GPR39: variants seen among roughly 807,000 people sequenced by gnomAD.
GPR39 encodes the protein G protein-coupled receptor 39.
In GPR39, 23 loss-of-function variants were observed where a neutral mutation model predicts 18.4. The ratio of observed to expected loss-of-function variants is 1.25; its 90% CI spans 0.90 to 1.77. GPR39 has a LOEUF of 1.77. Among genes scored for constraint, GPR39 ranks in the 40% most tolerant of loss-of-function variants. The pLI is 0.00. For synonymous variants in GPR39, 280 were observed against 257.9 expected (o/e 1.09, Z -0.82); for missense variants, 647 against 602.4 (o/e 1.07, Z -0.78).
At chr2:132,554,952 CA>C (rs1173327185) in intron 1 of GPR39, among the ~76,000 whole-genome samples, 1 of 113,290 alleles carries the variant, frequency 8.8e-6, no homozygotes, top group Non-Finnish European at 1.8e-5. Flanking sequence ...CACTTTCAAC[CA>C]TTTTTTTTTT....
chr2:132,603,263 G>C (rs1394322438), intron 1 of GPR39, among the ~76,000 whole-genome samples: 10 of 152,182 alleles, frequency 6.6e-5, no homozygotes, highest in Admixed American at 1.3e-4. Context: ...GAAGTTAAGT[G>C]AAATATCGGG....
intron 1 of GPR39, among the ~76,000 whole-genome samples, chr2:132,498,576 C>T (rs1375263516): frequency 6.6e-6 from 1 of 152,124 alleles, no homozygotes; most frequent in African/African-American, 2.4e-5. Flanking sequence ...TTCTTTTCCT[C>T]TGGGGAGATA....
intron 1 of GPR39, among the ~76,000 whole-genome samples, chr2:132,511,872 C>G (rs10203298): frequency 0.47 from 62,860 of 134,852 alleles, 14,259 homozygotes; most frequent in Non-Finnish European, 0.55. Flanking sequence ...AAAGTGATGA[C>G]TCAAGTCCAG....
Position 132,646,203 on chromosome 2 carries a change from G to A in GPR39, c.*597G>A. Reference sequence around the variant, plus strand: ...ATGCAAACTGAGTTCAGTTTCCCTGGGGAGCAGAAGGACTGGTACCCGGCA... The same window carrying A: ...ATGCAAACTGAGTTCAGTTTCCCTGAGGAGCAGAAGGACTGGTACCCGGCA... On this transcript the variant is annotated 3_prime_UTR_variant, in exon 2 of 2. Transcript: ENST00000329321. 6.2e-7 allele frequency: 1 copy of A among 1,607,310 alleles called. No homozygotes were observed. Among genetic ancestry groups the A allele is most frequent in the Non-Finnish European group, 8.5e-7 (1 of 1,176,230 alleles).
chr2:132,471,099 G>GT (rs1681022729), intron 1 of GPR39, among the ~76,000 whole-genome samples: 1 of 152,130 alleles, frequency 6.6e-6, no homozygotes, highest in Admixed American at 6.6e-5. Context: ...TCCCAGGGCA[G>GT]TGGGAGTGTG....
Position 132,528,023 on chromosome 2 carries a change from G to A in GPR39, c.856+110125G>A, listed in dbSNP as rs567382711. Among the ~76,000 whole-genome samples, 10 of 152,164 alleles carry A rather than the reference G, an allele frequency of 6.6e-5. No individual in the cohort carries two copies. In the East Asian group the frequency reaches 1.2e-3, roughly 18 times the overall value. On this transcript the variant is annotated intron_variant, in intron 1 of 1. Coordinates refer to ENST00000329321, the MANE Select transcript of GPR39 (RefSeq NM_001508.3). Reference sequence around the variant, plus strand: ...TTTGCCCATGCCTGTGTCCTGAATGGCATTGCCTAGGTTTTCTTCTAGGGT... The same window carrying A: ...TTTGCCCATGCCTGTGTCCTGAATGACATTGCCTAGGTTTTCTTCTAGGGT...
intron 1 of GPR39, among the ~76,000 whole-genome samples, chr2:132,444,057 A>G (rs1480166432): frequency 6.6e-6 from 1 of 152,202 alleles, no homozygotes; most frequent in Non-Finnish European, 1.5e-5. Context: ...CCTAGGCAAT[A>G]GAGTGAGACC....
intron 1 of GPR39, among the ~76,000 whole-genome samples, chr2:132,485,899 T>G (rs1681328446): frequency 1.3e-5 from 2 of 152,232 alleles, no homozygotes; most frequent in South Asian, 4.1e-4. Flanking sequence ...GAATGGGGAA[T>G]TCTTTCCAGA....
In GPR39 at chr2:132,438,573, CTTT is replaced by C. The variant is rs35614907; in HGVS notation, c.856+20698_856+20700del. On this transcript the variant is annotated intron_variant, in intron 1 of 1. Coordinates refer to ENST00000329321, the MANE Select transcript of GPR39 (RefSeq NM_001508.3). ...TCATGATACCTGTAATGTCAGCAAG[CTTT>C]TTTTTTTTTTTTTTTTTTTTTTACA... Among the ~76,000 whole-genome samples, 933 of 97,734 alleles carry C rather than the reference CTTT, an allele frequency of 9.5e-3. 5 individuals are homozygous for C. Among genetic ancestry groups the C allele is most frequent in the African/African-American group, 0.033 (882 of 26,388 alleles). The allele number at this position is 97,734 out of a possible 152,430, so 64.1% of individuals were successfully genotyped here. A position where few individuals can be genotyped will look rare whatever the true frequency, so the allele number is the denominator to read the frequency against.
Position 132,645,311 on chromosome 2 carries a change from T to G in GPR39, c.1067T>G (p.Val356Gly). ...VSSQQFRRVF[V>G]QVLCCRLSLQ... Reference sequence around the variant, plus strand: ...TCGCAGCAGTTTCGGCGGGTGTTCGTGCAGGTGCTGTGCTGCCGCCTGTCG... The same window carrying G: ...TCGCAGCAGTTTCGGCGGGTGTTCGGGCAGGTGCTGTGCTGCCGCCTGTCG... The change falls in exon 2 of 2, where the codon GTG becomes GGG. Residue 356 changes from valine to glycine, a missense_variant. By Grantham distance (109) the Val-to-Gly change is moderately radical (BLOSUM62 -3). This residue lies in a region of GPR39 where 581 missense variants were observed against 506.8 expected (regional missense o/e 1.15). Transcript: ENST00000329321. The G allele has an allele frequency of 6.2e-7, 1 of 1,614,208 alleles. No individual in the cohort carries two copies. Among genetic ancestry groups the G allele is most frequent in the Non-Finnish European group, 8.5e-7 (1 of 1,180,030 alleles).
chr2:132,605,163 C>A (rs1681112236), intron 1 of GPR39, among the ~76,000 whole-genome samples: 1 of 152,280 alleles, frequency 6.6e-6, no homozygotes, highest in Admixed American at 6.5e-5. Context: ...GACACCAGAC[C>A]CTGTGCCTAT....
At chr2:132,426,037 C>T (rs1012651588) in intron 1 of GPR39, among the ~76,000 whole-genome samples, 43 of 152,244 alleles carry the variant, frequency 2.8e-4, no homozygotes, top group Admixed American at 1.8e-3. Context: ...CAATAGAAAA[C>T]GAATGGATTC....
At chr2:132,428,889 C>T (rs1422716004) in intron 1 of GPR39, among the ~76,000 whole-genome samples, 1 of 152,228 alleles carries the variant, frequency 6.6e-6, no homozygotes, top group African/African-American at 2.4e-5. Context: ...GCTCCAAGCT[C>T]TCATTTGGAA....
At chr2:132,547,935 A>T (rs903417798) in intron 1 of GPR39, among the ~76,000 whole-genome samples, 2 of 152,122 alleles carry the variant, frequency 1.3e-5, no homozygotes, top group Non-Finnish European at 2.9e-5. Context: ...GACTTTTATG[A>T]TAGATGGCTT....
chr2:132,463,310 A>G (rs1030291163), intron 1 of GPR39, among the ~76,000 whole-genome samples: 2 of 152,162 alleles, frequency 1.3e-5, no homozygotes, highest in African/African-American at 2.4e-5. Context: ...AAGCAGGGCT[A>G]GGGTTCTCTG....
intron 1 of GPR39, among the ~76,000 whole-genome samples, chr2:132,518,739 T>C (rs1423464956): frequency 1.3e-5 from 2 of 152,268 alleles, no homozygotes; most frequent in Non-Finnish European, 2.9e-5. Flanking sequence ...ACATTAACTT[T>C]AATATATTTT....
At chr2:132,572,393 T>C (rs867055468) in intron 1 of GPR39, among the ~76,000 whole-genome samples, 3 of 152,074 alleles carry the variant, frequency 2.0e-5, no homozygotes, top group African/African-American at 7.2e-5. Context: ...GAGCAGAGCA[T>C]CCCCACGAGC....
intron 1 of GPR39, among the ~76,000 whole-genome samples, chr2:132,444,337 T>C (rs1680496415): frequency 6.6e-6 from 1 of 152,104 alleles, no homozygotes; most frequent in South Asian, 2.1e-4. Context: ...CTTGTCACCT[T>C]AGGCTGTGCA....
intron 1 of GPR39, among the ~76,000 whole-genome samples, chr2:132,422,843 C>G (rs899273464): frequency 2.6e-5 from 4 of 151,828 alleles, no homozygotes; most frequent in African/African-American, 9.7e-5. Flanking sequence ...GCATAGTTTC[C>G]GAGGAAGGGG....
Sources: gnomAD v4.1 joint callset for allele counts (sites outside exome capture counted in the v4.1 genomes callset) on GRCh38, gnomAD v4.1.1 for gene constraint, gnomAD v4.1.1 regional missense constraint, MANE v1.5 for transcripts, NCBI Gene and HGNC (gene_info 2026-07-23, HGNC 2026-07-21) for gene names.